PCDH15: variants seen among roughly 807,000 people sequenced by gnomAD.
PCDH15 encodes the protein protocadherin related 15, also known as protocadherin-15.
A neutral mutation model predicts 178.5 loss-of-function variants in PCDH15; 129 were observed. The observed-to-expected ratio is 0.72, with a 90% CI of 0.63 to 0.84. The LOEUF is 0.84. PCDH15 is among the 40% of genes least tolerant of loss of function. The pLI, the probability that PCDH15 is intolerant of heterozygous loss-of-function variation, is 0.00. For missense variants in PCDH15, 2,230 were observed against 2,099.9 expected, an observed-to-expected ratio of 1.06 and a Z score of -1.21; for synonymous variants, 800 against 732.0, an observed-to-expected ratio of 1.09 and a Z score of -1.50.
At chr10:55,127,414 G>A (rs1837929136) in intron 2 of PCDH15, among the ~76,000 whole-genome samples, 1 of 152,012 alleles carries the variant, frequency 6.6e-6, no homozygotes, top group South Asian at 2.1e-4. Flanking sequence ...AAAGCCAAAG[G>A]AAAGAGAGGC....
chr10:55,281,897 T>C (rs530617294), intron 1 of PCDH15, among the ~76,000 whole-genome samples: 4 of 152,186 alleles, frequency 2.6e-5, no homozygotes, highest in Non-Finnish European at 5.9e-5. Flanking sequence ...CTAAGTTCTA[T>C]GATTTTGCTC....
chr10:55,166,497 T>C (rs985326227), intron 2 of PCDH15: 17 of 152,172 alleles, frequency 1.1e-4, no homozygotes, highest in African/African-American at 4.1e-4. Context: ...TTGAACTTAC[T>C]GTGAAATATA....
chr10:54,452,482 C>T (rs551361707), intron 3 of PCDH15: 1 of 152,118 alleles, frequency 6.6e-6, no homozygotes, highest in East Asian at 1.9e-4. Context: ...TTGAATTCTT[C>T]CAATTTTAGT....
At chr10:55,150,019 A>G (rs1454650893) in intron 2 of PCDH15, among the ~76,000 whole-genome samples, 9 of 146,290 alleles carry the variant, frequency 6.2e-5, no homozygotes. Flanking sequence ...GAGAGTGAGC[A>G]GAGAGAGAGA....
At chr10:53,933,333 C>T (rs1468884841) in intron 25 of PCDH15, among the ~76,000 whole-genome samples, 1 of 150,916 alleles carries the variant, frequency 6.6e-6, no homozygotes, top group Non-Finnish European at 1.5e-5. Context: ...CCTTCCCCCA[C>T]CCCACAACAG....
At chr10:55,513,826 T>C (rs1395522434) in intron 2 of PCDH15, among the ~76,000 whole-genome samples, 1 of 152,086 alleles carries the variant, frequency 6.6e-6, no homozygotes, top group Non-Finnish European at 1.5e-5. Context: ...TTGAGAATAC[T>C]TTATGAGAAG....
chr10:54,288,287 T>A (rs1329287873), intron 8 of PCDH15, among the ~76,000 whole-genome samples: 1 of 152,128 alleles, frequency 6.6e-6, no homozygotes, highest in Non-Finnish European at 1.5e-5. Context: ...GCCACTGCAC[T>A]CCAGCTTGGG....
intron 1 of PCDH15, among the ~76,000 whole-genome samples, chr10:54,735,097 G>T (rs554695681): frequency 6.6e-6 from 1 of 151,678 alleles, no homozygotes; most frequent in African/African-American, 2.4e-5. Context: ...AAAAACATCT[G>T]GTATATTAAC....
intron 15 of PCDH15, among the ~76,000 whole-genome samples, chr10:54,125,212 T>C (rs562882588): frequency 1.3e-5 from 2 of 152,142 alleles, no homozygotes; most frequent in African/African-American, 4.8e-5. Context: ...CTGTTTCTCG[T>C]CATTTTCTAT....
At position 54,369,194 on chromosome 10, in the gene PCDH15, G is replaced by T. The variant is rs137853003; in HGVS notation, c.400C>A (p.Arg134=). Residue 134 remains arginine, a synonymous_variant, in exon 5 of 38, where the codon CGA becomes AGA. Coordinates refer to ENST00000644397, the MANE Select transcript of PCDH15 (RefSeq NM_001384140.1). ...TCATTCCTGTCTCTCACCACTATTCGCACTTCATGGTAGATAATAGTGCCC... is the reference window on the plus strand; with the variant it reads ...TCATTCCTGTCTCTCACCACTATTCTCACTTCATGGTAGATAATAGTGCCC... ...KVGTIIYHEV[R]IVVRDRNDNS... 5.6e-6 allele frequency: 9 copies of T among 1,612,862 alleles called. No individual in the cohort carries two copies. The highest frequency in any genetic ancestry group is 1.1e-5 in the South Asian group (1 of 91,050).
At chr10:55,339,008 T>TA (rs1222450510) in intron 2 of PCDH15, among the ~76,000 whole-genome samples, 2 of 151,816 alleles carry the variant, frequency 1.3e-5, no homozygotes, top group Admixed American at 1.3e-4. Flanking sequence ...GTAGAGGGGG[T>TA]AAAGATAGGA....
chr10:54,023,205 AT>A lies in PCDH15; in HGVS notation c.2221-9del. On this transcript the variant is annotated splice_polypyrimidine_tract_variant and intron_variant, in intron 18 of 37. Transcript: ENST00000644397. ...AGCATCAGGGTCTGTTGCCTATTAA[AT>A]AAAACAAAAAAACAAAAAAATTCAC... The A allele has an allele frequency of 6.2e-7, 1 of 1,612,068 alleles. No individual in the cohort carries two copies.
At chr10:54,752,292 T>C (rs549335706) in intron 1 of PCDH15, among the ~76,000 whole-genome samples, 82 of 150,930 alleles carry the variant, frequency 5.4e-4, no homozygotes, top group South Asian at 2.5e-3. Flanking sequence ...CTGGCTAACA[T>C]GGTGAAACCC....
chr10:54,263,068 ACTTGAAATACTGTATTTT>A (rs1449592280), intron 8 of PCDH15, among the ~76,000 whole-genome samples: 1 of 152,198 alleles, frequency 6.6e-6, no homozygotes, highest in Non-Finnish European at 1.5e-5. Context: ...TTGTCTCTAC[ACTTGAAATACTGTATTTT>A]CTTTGTCTCA....
chr10:54,630,979 G>T (rs1185085351), intron 2 of PCDH15, among the ~76,000 whole-genome samples: 1 of 152,100 alleles, frequency 6.6e-6, no homozygotes. Flanking sequence ...CAATCGGAAT[G>T]CTATTATTAA....
chr10:55,004,361 A>G (rs1462678850), intron 2 of PCDH15, among the ~76,000 whole-genome samples: 1 of 152,196 alleles, frequency 6.6e-6, no homozygotes, highest in East Asian at 1.9e-4. Context: ...ATTGTTTCAT[A>G]GAACTGATGT....
At chr10:54,156,869 G>C (rs973971915) in intron 13 of PCDH15, among the ~76,000 whole-genome samples, 14 of 152,258 alleles carry the variant, frequency 9.2e-5, no homozygotes, top group African/African-American at 3.1e-4. Flanking sequence ...AAAACAAAGG[G>C]GCTACAGGCC....
At chr10:55,211,587 T>C (rs1591992494) in intron 1 of PCDH15, among the ~76,000 whole-genome samples, 1 of 152,138 alleles carries the variant, frequency 6.6e-6, no homozygotes, top group Non-Finnish European at 1.5e-5. Context: ...TCTGAATATA[T>C]GACCTTGAAT....
chr10:55,352,706 G>A, intron 2 of PCDH15, among the ~76,000 whole-genome samples: 1 of 152,042 alleles, frequency 6.6e-6, no homozygotes, highest in Non-Finnish European at 1.5e-5. Flanking sequence ...CAAAAGTAAG[G>A]CTCCATTTCT....
Sources: allele counts gnomAD v4.1 joint callset (sites outside exome capture counted in the v4.1 genomes callset), GRCh38; gene constraint gnomAD v4.1.1; transcripts MANE v1.5; gene names NCBI Gene and HGNC (gene_info 2026-07-23, HGNC 2026-07-21).